NRCAM: variants seen among roughly 807,000 people sequenced by gnomAD.
The protein encoded by NRCAM is NgCAM-related cell adhesion molecule.
A neutral mutation model predicts 156.5 loss-of-function variants in NRCAM; 83 were observed. The ratio of observed to expected loss-of-function variants is 0.53; its 90% CI spans 0.44 to 0.64. The LOEUF is 0.64. Ranked by LOEUF, NRCAM falls within the 30% of genes least tolerant of loss-of-function variation. The probability of loss-of-function intolerance (pLI) is 0.00; values close to 1 mark genes in which losing one functional copy is unlikely to be tolerated. For missense variants in NRCAM, 1,417 were observed against 1,597.3 expected, an observed-to-expected ratio of 0.89 and a Z score of 1.92; for synonymous variants, 538 against 563.9, an observed-to-expected ratio of 0.95 and a Z score of 0.65.
chr7:108,447,022 C>G (rs1313778942), intron 1 of NRCAM, among the ~76,000 whole-genome samples: 2 of 152,092 alleles, frequency 1.3e-5, no homozygotes, highest in African/African-American at 4.8e-5. Context: ...CCACCACACC[C>G]AGACCCACCT....
chr7:108,331,917 G>T (rs2099131147), intron 2 of NRCAM, among the ~76,000 whole-genome samples: 1 of 152,218 alleles, frequency 6.6e-6, no homozygotes, highest in Admixed American at 6.5e-5. Context: ...TCTACAGGAA[G>T]TAAAAAGAGT....
chr7:108,235,086 A>T (rs1054947359), intron 5 of NRCAM, among the ~76,000 whole-genome samples: 1 of 152,196 alleles, frequency 6.6e-6, no homozygotes, highest in Non-Finnish European at 1.5e-5. Flanking sequence ...CTTAAGAAAG[A>T]GTAACAGACT....
intron 3 of NRCAM, among the ~76,000 whole-genome samples, chr7:108,269,535 G>A (rs2097260125): frequency 6.6e-6 from 1 of 152,130 alleles, no homozygotes; most frequent in South Asian, 2.1e-4. Context: ...GGAAAGGATG[G>A]GTGACGGGGA....
intron 3 of NRCAM, among the ~76,000 whole-genome samples, chr7:108,302,509 G>A (rs1377722621): frequency 6.6e-6 from 1 of 152,152 alleles, no homozygotes; most frequent in Admixed American, 6.6e-5. Flanking sequence ...GTCCAACTGA[G>A]AACAAATTAT....
chr7:108,267,444 C>A (rs752118337), intron 3 of NRCAM, among the ~76,000 whole-genome samples: 2 of 152,134 alleles, frequency 1.3e-5, no homozygotes, highest in Non-Finnish European at 2.9e-5. Context: ...GGCTTTGGGC[C>A]TTGAGAATCC....
chr7:108,442,852 A>G (rs1309962440), intron 1 of NRCAM, among the ~76,000 whole-genome samples: 3 of 152,218 alleles, frequency 2.0e-5, no homozygotes. Flanking sequence ...AAACATGTCA[A>G]TCAATTTTCA....
chr7:108,345,416 A>G (rs981256182), intron 2 of NRCAM, among the ~76,000 whole-genome samples: 1 of 152,250 alleles, frequency 6.6e-6, no homozygotes, highest in Non-Finnish European at 1.5e-5. Context: ...CAGGCATATC[A>G]TTACAAAATA....
intron 3 of NRCAM, among the ~76,000 whole-genome samples, chr7:108,267,134 A>G (rs2097138203): frequency 6.6e-6 from 1 of 152,232 alleles, no homozygotes; most frequent in South Asian, 2.1e-4. Context: ...GAGCTTAGGG[A>G]ACCAGAATCT....
chr7:108,339,176 T>C (rs1262602159), intron 2 of NRCAM, among the ~76,000 whole-genome samples: 1 of 152,170 alleles, frequency 6.6e-6, no homozygotes, highest in East Asian at 1.9e-4. Flanking sequence ...TTAATTACCA[T>C]ACAAAGGTCT....
chr7:108,225,325 A>G (rs749243724), intron 10 of NRCAM, among the ~76,000 whole-genome samples: 20 of 152,214 alleles, frequency 1.3e-4, no homozygotes, highest in Non-Finnish European at 2.6e-4. Context: ...GTTCACAAGA[A>G]AAGTTTGGAA....
intron 3 of NRCAM, among the ~76,000 whole-genome samples, chr7:108,310,052 G>A (rs890801389): frequency 2.6e-5 from 4 of 151,980 alleles, no homozygotes; most frequent in African/African-American, 9.7e-5. Context: ...TTAACAACTC[G>A]GTATTGTAAA....
chr7:108,332,510 C>A (rs2099137111), intron 2 of NRCAM, among the ~76,000 whole-genome samples: 1 of 152,088 alleles, frequency 6.6e-6, no homozygotes, highest in Non-Finnish European at 1.5e-5. Flanking sequence ...TCATGTCCCT[C>A]CTTGTATAGA....
Position 108,182,766 on chromosome 7 carries a change from T to C in NRCAM, c.2459A>G (p.Lys820Arg). The change falls in exon 23 of 33, where the codon AAA becomes AGA. Residue 820 changes from lysine to arginine, a missense_variant. Lys to Arg is a conservative substitution (Grantham distance 26). Transcript: ENST00000379028. ...GTPTFVPYLIKVQALNDMGFA... is the reference protein window; with the variant it reads ...GTPTFVPYLIRVQALNDMGFA... ...CCCCATGTCATTCAGGGCCTGAACT[T>C]TGATCAGGTATGGAACAAAGGTTGG... 1 of 1,614,224 alleles carries C rather than the reference T, an allele frequency of 6.2e-7. No individual in the cohort carries two copies. The highest frequency in any genetic ancestry group is 8.5e-7 in the Non-Finnish European group (1 of 1,180,026).
At chr7:108,150,641 C>T in intron 32 of NRCAM, 1 of 507,092 alleles carries the variant, frequency 2.0e-6, no homozygotes, top group Admixed American at 2.4e-5. Flanking sequence ...CAAAATCCTG[C>T]ATTTCAAATA....
intron 2 of NRCAM, among the ~76,000 whole-genome samples, chr7:108,334,315 T>C (rs995772464): frequency 6.6e-6 from 1 of 152,214 alleles, no homozygotes; most frequent in African/African-American, 2.4e-5. Context: ...GACATGATAA[T>C]CTTCCCAAAC....
chr7:108,161,933 G>C (rs1324512161), intron 30 of NRCAM, among the ~76,000 whole-genome samples: 3 of 152,202 alleles, frequency 2.0e-5, no homozygotes, highest in Non-Finnish European at 1.5e-5. Flanking sequence ...CACAAGTAAA[G>C]CATCAGTTTA....
At chr7:108,235,458 C>G (rs2094849964) in intron 5 of NRCAM, among the ~76,000 whole-genome samples, 1 of 152,186 alleles carries the variant, frequency 6.6e-6, no homozygotes, top group Non-Finnish European at 1.5e-5. Flanking sequence ...CTTGTGAGAT[C>G]AGAATTAGTG....
Position 108,258,319 on chromosome 7 carries a change from C to T in NRCAM, c.-106-18149G>A, listed in dbSNP as rs577042247. ...CCTCCTGCCCCTGGTCCTTCAGCTC[C>T]ACATTATTCCCACTCTCCAAAAATT... On this transcript the variant is annotated intron_variant, in intron 3 of 32. Transcript: ENST00000379028. Among the ~76,000 whole-genome samples, 4 of 152,324 alleles carry T rather than the reference C, an allele frequency of 2.6e-5. No homozygotes were observed. In the South Asian group the frequency reaches 6.2e-4, roughly 24 times the overall value.
chr7:108,187,850 GA>G (rs1218258663), intron 20 of NRCAM, among the ~76,000 whole-genome samples: 65 of 152,230 alleles, frequency 4.3e-4, no homozygotes, highest in African/African-American at 1.5e-3. Context: ...AGCTACTCGG[GA>G]AGCTGAGGCA....
Sources: allele counts gnomAD v4.1 joint callset (sites outside exome capture counted in the v4.1 genomes callset), GRCh38; gene constraint gnomAD v4.1.1; transcripts MANE v1.5; gene names NCBI Gene and HGNC (gene_info 2026-07-23, HGNC 2026-07-21).